MSH5: variants seen among roughly 807,000 people sequenced by gnomAD.
MSH5 encodes the protein mutS protein homolog 5.
Under a neutral mutation model 107.7 loss-of-function variants are expected in MSH5, and 78 were observed. That is an observed-to-expected ratio of 0.72 (90% CI 0.60 to 0.87). The LOEUF (loss-of-function observed/expected upper bound fraction) is 0.87. MSH5 is among the 40% of genes least tolerant of loss of function. The probability of loss-of-function intolerance (pLI) is 0.00; values close to 1 mark genes in which losing one functional copy is unlikely to be tolerated. For missense variants in MSH5, 889 were observed against 1,046.6 expected (o/e 0.85, Z 2.08); for synonymous variants, 326 against 399.5 (o/e 0.82, Z 2.19).
In MSH5 at chr6:31,760,576, T is replaced by C. The variant is rs1463762326; in HGVS notation, c.1813-114T>C. 1.4e-5 allele frequency: 19 copies of C among 1,357,950 alleles called. No homozygotes were observed. The highest frequency in any genetic ancestry group is 1.9e-5 in the Non-Finnish European group (18 of 955,576). The allele number at this position is 1,357,950 out of a possible 1,614,324, so 84.1% of individuals were successfully genotyped here. On this transcript the variant is annotated intron_variant, in intron 19 of 24. Transcript: ENST00000375750. This position sits in a 1 kb window ranked among gnomAD's most constrained non-coding sequence, Gnocchi z 5.6. ...ACAGAGTCAGTGTGTCTGTTACCTA[T>C]TTCTCCTGTTTCACCCTGTCCATTT...
Position 31,753,423 on chromosome 6 carries a change from A to C in MSH5, c.935A>C (p.His312Pro). 1 of 1,613,962 alleles carries C rather than the reference A, an allele frequency of 6.2e-7. No individual in the cohort carries two copies. The highest frequency in any genetic ancestry group is 8.5e-7 in the Non-Finnish European group (1 of 1,179,894). Residue 312 changes from histidine (H) to proline (P), a missense_variant, in exon 11 of 25, where the codon CAC (histidine) becomes CCC (proline). Around this residue, in one of 3 missense-constraint regions of MSH5, gnomAD observed 518 missense variants for 565.0 expected, o/e 0.92. Transcript: ENST00000375750. ...CAGATGCTGCATCGGCTCCTGGGTC[A>C]CATCAAGAACGTGCCTGTGAGCCCA... ...MAQMLHRLLG[H>P]IKNVPLILKR...
rs1245102662 is a variant in MSH5 at position 31,744,044 on chromosome 6, G to T, written c.537+19G>T. ...CCTCACAGTGAGATTGGTCCTGGGG[G>T]ATAAGGGCTGGGAGGCGGCACAAGT... On this transcript the variant is annotated intron_variant, in intron 6 of 24. Coordinates refer to ENST00000375750, the MANE Select transcript of MSH5 (RefSeq NM_172166.4). 1.2e-6 allele frequency: 2 copies of T among 1,613,688 alleles called. No homozygotes were observed. The highest frequency in any genetic ancestry group is 2.7e-5 in the African/African-American group (2 of 74,890).
chr6:31,740,523 G>A lies in MSH5; in HGVS notation c.57G>A (p.Ala19=), dbSNP rs1264190757. The A allele has an allele frequency of 1.9e-6, 3 of 1,548,642 alleles. No homozygotes were observed. Among genetic ancestry groups the A allele is most frequent in the Non-Finnish European group, 2.6e-6 (3 of 1,146,648 alleles). ...CACCGCAGGGACCGAGACCTGGGGC[G>A]GCCTCCTCCGGCTTCCCCAGCCCGG... ...RRTPQGPRPG[A]ASSGFPSPAP... Residue 19 remains alanine (A), a synonymous_variant, in exon 2 of 25, where the codon GCG becomes GCA. Transcript: ENST00000375750. The surrounding 1 kb of genome is among the most constrained non-coding windows in gnomAD (Gnocchi z 4.4).
intron 12 of MSH5, among the ~76,000 whole-genome samples, chr6:31,755,825 C>T (rs2151369402): frequency 6.6e-6 from 1 of 152,208 alleles, no homozygotes; most frequent in South Asian, 2.1e-4. Flanking sequence ...TTTTAATCTA[C>T]CGGTTCCTTC....
Position 31,761,977 on chromosome 6 carries a change from A to T in MSH5, c.2319+22A>T. 6.2e-7 allele frequency: 1 copy of T among 1,613,652 alleles called. No individual in the cohort carries two copies. On this transcript the variant is annotated intron_variant, in intron 23 of 24. Coordinates refer to ENST00000375750, the MANE Select transcript of MSH5 (RefSeq NM_172166.4). This position sits in a 1 kb window ranked among gnomAD's most constrained non-coding sequence, Gnocchi z 5.3. Reference sequence around the variant, plus strand: ...GGAGGTGATGAGATCCAAATGTGCAACCACCTCCACATCAGAGCTCCCTTT... The same window carrying T: ...GGAGGTGATGAGATCCAAATGTGCATCCACCTCCACATCAGAGCTCCCTTT...
intron 2 of MSH5, 138 bp from the exon 3 acceptor site, chr6:31,741,025 G>C: frequency 9.3e-7 from 1 of 1,074,222 alleles, no homozygotes; most frequent in Non-Finnish European, 1.3e-6. Flanking sequence ...CTCCTGAGTG[G>C]CTGTTTCACA....
Position 31,761,405 on chromosome 6 carries a change from A to C in MSH5, c.2038-67A>C. ...AATAGAACACGAGACAGGGAAAGGC[A>C]GTGCAAGTGCAGAGGGGCATATGGG... On this transcript the variant is annotated intron_variant, in intron 21 of 24. Transcript: ENST00000375750. This position sits in a 1 kb window ranked among gnomAD's most constrained non-coding sequence, Gnocchi z 5.3. The C allele has an allele frequency of 2.5e-6, 4 of 1,606,434 alleles. No individual in the cohort carries two copies. In the South Asian group the frequency reaches 4.4e-5, roughly 18 times the overall value.
chr6:31,761,465 T>C lies in MSH5; in HGVS notation c.2038-7T>C, dbSNP rs1372958992. The C allele has an allele frequency of 1.2e-6, 2 of 1,612,612 alleles. No individual in the cohort carries two copies. Among genetic ancestry groups the C allele is most frequent in the Non-Finnish European group, 1.7e-6 (2 of 1,180,038 alleles). ...GCTCCGAATGCTAACCTCTGCCCTC[T>C]TTGCAGGTGGATGGGCTCGCGCTTC... On this transcript the variant is annotated splice_region_variant and splice_polypyrimidine_tract_variant and intron_variant, in intron 21 of 24. Transcript: ENST00000375750. This position sits in a 1 kb window ranked among gnomAD's most constrained non-coding sequence, Gnocchi z 5.3.
At chr6:31,753,700 C>T in intron 12 of MSH5, 71 bp downstream of exon 12, 2 of 1,386,250 alleles carry the variant, frequency 1.4e-6, no homozygotes, top group Non-Finnish European at 2.1e-6. Flanking sequence ...ACTGTCTGTA[C>T]CCTAGACATG....
rs1381810719 is a variant in MSH5 at position 31,758,906 on chromosome 6, G to C, written c.1326+31G>C. ...GGCAGGAGAGTGGGTGTAGCCTTCA[G>C]ATGTCTTTTGGGGGAGATATTAGGC... On this transcript the variant is annotated intron_variant, in intron 15 of 24. Coordinates refer to ENST00000375750, the MANE Select transcript of MSH5 (RefSeq NM_172166.4). The surrounding 1 kb of genome is among the most constrained non-coding windows in gnomAD (Gnocchi z 5.1). 6.3e-7 allele frequency: 1 copy of C among 1,581,132 alleles called. No individual in the cohort carries two copies. The highest frequency in any genetic ancestry group is 8.7e-7 in the Non-Finnish European group (1 of 1,150,238).
Position 31,758,975 on chromosome 6 carries a change from C to T in MSH5, c.1326+100C>T. ...TAGATAAGAAAACTTGTGGGGCAGC[C>T]TGAAGAACATGAACACTTTTTTGTG... On this transcript the variant is annotated intron_variant, in intron 15 of 24. Coordinates refer to ENST00000375750, the MANE Select transcript of MSH5 (RefSeq NM_172166.4). This position sits in a 1 kb window ranked among gnomAD's most constrained non-coding sequence, Gnocchi z 5.1. 1 of 1,415,040 alleles carries T rather than the reference C, an allele frequency of 7.1e-7. No individual in the cohort carries two copies. The highest frequency in any genetic ancestry group is 1.0e-6 in the Non-Finnish European group (1 of 1,001,158). The allele number at this position is 1,415,040 out of a possible 1,614,324, so 87.7% of individuals were successfully genotyped here. A position where few individuals can be genotyped will look rare whatever the true frequency, so the allele number is the denominator to read the frequency against.
intron 12 of MSH5, among the ~76,000 whole-genome samples, chr6:31,754,925 T>G (rs930523613): frequency 6.6e-6 from 1 of 151,752 alleles, no homozygotes; most frequent in Non-Finnish European, 1.5e-5. Context: ...GTTTTTTTTT[T>G]GTATTTTTAG....
At chr6:31,748,530 G>C (rs1422255167) in intron 10 of MSH5, among the ~76,000 whole-genome samples, 1 of 151,638 alleles carries the variant, frequency 6.6e-6, no homozygotes, top group Admixed American at 6.6e-5. Context: ...TGTATTTTCA[G>C]TAGAGGCGGG....
At chr6:31,742,398 C>T (rs914892364) in intron 3 of MSH5, among the ~76,000 whole-genome samples, 1 of 152,176 alleles carries the variant, frequency 6.6e-6, no homozygotes, top group Non-Finnish European at 1.5e-5. Flanking sequence ...GCTGGGATTA[C>T]AAGAATCTGC....
Position 31,759,352 on chromosome 6 carries a change from G to A in MSH5, c.1408-73G>A, listed in dbSNP as rs1311711611. The A allele has an allele frequency of 2.0e-6, 3 of 1,511,896 alleles. No homozygotes were observed. Among genetic ancestry groups the A allele is most frequent in the Non-Finnish European group, 2.8e-6 (3 of 1,090,768 alleles). The allele number at this position is 1,511,896 out of a possible 1,614,324, so 93.7% of individuals were successfully genotyped here. A position where few individuals can be genotyped will look rare whatever the true frequency, so the allele number is the denominator to read the frequency against. ...GAAGTCAGAGTTAGGGGCTGGAGGT[G>A]GGGTTAGAAAGATGGGGAAGGAGAG... On this transcript the variant is annotated intron_variant, in intron 16 of 24. Coordinates refer to ENST00000375750, the MANE Select transcript of MSH5 (RefSeq NM_172166.4). This position sits in a 1 kb window ranked among gnomAD's most constrained non-coding sequence, Gnocchi z 4.7.
chr6:31,753,153 G>A, intron 10 of MSH5, 148 bp from the exon 11 acceptor site: 1 of 951,774 alleles, frequency 1.1e-6, no homozygotes, highest in Non-Finnish European at 1.6e-6. Flanking sequence ...TGAATGGGTA[G>A]GACACTGCAC....
chr6:31,741,047 G>A, intron 2 of MSH5, 116 bp from the exon 3 acceptor site: 1 of 1,306,644 alleles, frequency 7.7e-7, no homozygotes, highest in Non-Finnish European at 1.1e-6. Flanking sequence ...TCACTAAATG[G>A]GGGTGATGAT....
At position 31,761,536 on chromosome 6, in the gene MSH5, CCCA is replaced by C; in HGVS notation, c.2104_2106del (p.His702del). 1 of 1,613,938 alleles carries C rather than the reference CCCA, an allele frequency of 6.2e-7. No homozygotes were observed. The highest frequency in any genetic ancestry group is 2.2e-5 in the East Asian group (1 of 44,884). ...TGGCTGGCACGTGGACCCACATGCCCCCACATCTTTGTGGCCACCAACTTTCTG... is the reference window on the plus strand; with the variant it reads ...TGGCTGGCACGTGGACCCACATGCCCCATCTTTGTGGCCACCAACTTTCTG... On this transcript the variant is annotated inframe_deletion, in exon 22 of 25. Transcript: ENST00000375750. The surrounding 1 kb of genome is among the most constrained non-coding windows in gnomAD (Gnocchi z 5.3).
chr6:31,751,153 G>T (rs528197757), intron 10 of MSH5, among the ~76,000 whole-genome samples: 2 of 151,974 alleles, frequency 1.3e-5, no homozygotes, highest in African/African-American at 4.8e-5. Context: ...CCGCCAACAC[G>T]CCCGGCTAAT....
Sources: gnomAD v4.1 joint callset for allele counts (sites outside exome capture counted in the v4.1 genomes callset) on GRCh38, gnomAD v4.1.1 for gene constraint, gnomAD v4.1.1 regional missense constraint, Gnocchi (gnomAD v3.1) non-coding constraint, MANE v1.5 for transcripts, NCBI Gene and HGNC (gene_info 2026-07-23, HGNC 2026-07-21) for gene names.